Variants in CERS6 observed in about 807,000 individuals in gnomAD.
CERS6 encodes the protein LAG1 homolog, ceramide synthase 6.
In CERS6, 26 loss-of-function variants were observed where a neutral mutation model predicts 56.8. The observed-to-expected ratio is 0.46, with a 90% CI of 0.34 to 0.63. The LOEUF (loss-of-function observed/expected upper bound fraction) is 0.63. CERS6 is among the 30% of genes least tolerant of loss of function. The pLI is 0.01. For synonymous variants in CERS6, 164 were observed against 173.3 expected (o/e 0.95, Z 0.42); for missense variants, 415 against 467.5 (o/e 0.89, Z 1.04).
intron 4 of CERS6, among the ~76,000 whole-genome samples, chr2:168,634,123 A>G (rs193131191): frequency 2.6e-5 from 4 of 152,314 alleles, no homozygotes; most frequent in Admixed American, 2.0e-4. Context: ...GAACAACCTT[A>G]CAGACATGTT....
At chr2:168,549,806 G>A (rs1695533681) in intron 2 of CERS6, among the ~76,000 whole-genome samples, 1 of 152,114 alleles carries the variant, frequency 6.6e-6, no homozygotes. Flanking sequence ...ATTCTTTGTA[G>A]TTCTCCGGTC....
chr2:168,622,662 A>G (rs75145993), intron 3 of CERS6, among the ~76,000 whole-genome samples: 2,629 of 152,288 alleles, frequency 0.017, 101 homozygotes, highest in East Asian at 0.16. Flanking sequence ...CTTACCTCCA[A>G]CCTCAAAGAC....
At chr2:168,646,260 A>G (rs548622285) in intron 4 of CERS6, among the ~76,000 whole-genome samples, 49 of 152,116 alleles carry the variant, frequency 3.2e-4, no homozygotes, top group African/African-American at 1.1e-3. Flanking sequence ...GTATCTCATC[A>G]TGGTTTTTAT....
At chr2:168,688,030 C>T (rs557915829) in intron 4 of CERS6, among the ~76,000 whole-genome samples, 2 of 152,256 alleles carry the variant, frequency 1.3e-5, no homozygotes, top group Non-Finnish European at 2.9e-5. Context: ...ATTTTCCAAC[C>T]TTGATAAACT....
chr2:168,655,554 TC>T (rs1390640459), intron 4 of CERS6, among the ~76,000 whole-genome samples: 1 of 152,234 alleles, frequency 6.6e-6, no homozygotes. Context: ...AAAAAGGTGA[TC>T]CTGCAATTTG....
At chr2:168,515,717 G>T (rs1694873175) in intron 1 of CERS6, among the ~76,000 whole-genome samples, 1 of 152,214 alleles carries the variant, frequency 6.6e-6, no homozygotes, top group Non-Finnish European at 1.5e-5. Context: ...CAGGATCAGT[G>T]GGTTCCAACT....
intron 8 of CERS6, among the ~76,000 whole-genome samples, chr2:168,739,489 A>G (rs1012724941): frequency 1.3e-5 from 2 of 152,196 alleles, no homozygotes; most frequent in Non-Finnish European, 2.9e-5. Flanking sequence ...GTGCAACAAG[A>G]TGATCTCACT....
rs1558991715 is a variant in CERS6 at position 168,545,128 on chromosome 2, C to CGCATGTATTTGTAGAAACACAT, written c.171-2468_171-2467insGCATGTATTTGTAGAAACACAT. On this transcript the variant is annotated intron_variant, in intron 1 of 9. Coordinates refer to ENST00000305747, the MANE Select transcript of CERS6 (RefSeq NM_203463.3). Reference sequence around the variant, plus strand: ...ACATACATGTATTTGTAGAAACACACACATGTATTTGTAGAAACACATACA... The same window carrying CGCATGTATTTGTAGAAACACAT: ...ACATACATGTATTTGTAGAAACACACGCATGTATTTGTAGAAACACATACATGTATTTGTAGAAACACATACA... Among the ~76,000 whole-genome samples, 320 of 151,822 alleles carry CGCATGTATTTGTAGAAACACAT rather than the reference C, an allele frequency of 2.1e-3. 3 individuals are homozygous for CGCATGTATTTGTAGAAACACAT. Among genetic ancestry groups the CGCATGTATTTGTAGAAACACAT allele is most frequent in the Middle Eastern group, 3.4e-3 (1 of 294 alleles).
chr2:168,717,773 T>A, intron 7 of CERS6, 99 bp from the exon 8 acceptor site: 1 of 741,636 alleles, frequency 1.3e-6, no homozygotes, highest in Non-Finnish European at 2.2e-6. Flanking sequence ...ATTTTATGCA[T>A]CTGGTAAGGT....
chr2:168,689,021 T>C (rs1350547724), intron 4 of CERS6, among the ~76,000 whole-genome samples: 2 of 152,198 alleles, frequency 1.3e-5, no homozygotes, highest in Non-Finnish European at 2.9e-5. Flanking sequence ...TGCCTGTCAC[T>C]GCAAGGGATG....
At chr2:168,644,947 G>C (rs7579254) in intron 4 of CERS6, among the ~76,000 whole-genome samples, 40,953 of 149,568 alleles carry the variant, frequency 0.27, 6,289 homozygotes, top group South Asian at 0.44. Context: ...CAAAAATTAG[G>C]CAGGCATGGT....
chr2:168,570,408 CAG>C (rs561753770), intron 3 of CERS6, among the ~76,000 whole-genome samples: 33 of 152,268 alleles, frequency 2.2e-4, no homozygotes, highest in Middle Eastern at 6.8e-3. Flanking sequence ...TGAGAAATGT[CAG>C]AATACACAGT....
intron 1 of CERS6, among the ~76,000 whole-genome samples, chr2:168,526,975 A>C (rs1695082925): frequency 6.6e-6 from 1 of 152,220 alleles, no homozygotes; most frequent in African/African-American, 2.4e-5. Flanking sequence ...CTGGTTATTA[A>C]GCCATTATCT....
intron 3 of CERS6, among the ~76,000 whole-genome samples, chr2:168,600,791 G>T (rs1219107781): frequency 6.6e-6 from 1 of 152,108 alleles, no homozygotes; most frequent in Non-Finnish European, 1.5e-5. Flanking sequence ...GCAATTGCTT[G>T]TACTCATTAA....
At chr2:168,711,731 C>CAAAAAAA (rs35886865) in intron 6 of CERS6, among the ~76,000 whole-genome samples, 1 of 97,876 alleles carries the variant, frequency 1.0e-5, no homozygotes, top group Non-Finnish European at 2.0e-5. Flanking sequence ...GAGACTGTCT[C>CAAAAAAA]AAAAAAAAAA....
intron 4 of CERS6, among the ~76,000 whole-genome samples, chr2:168,634,366 A>G (rs1017175097): frequency 2.6e-5 from 4 of 152,030 alleles, no homozygotes; most frequent in Non-Finnish European, 4.4e-5. Context: ...CCTAGGTTCT[A>G]TTTTTTCTTA....
rs116374398 is a variant in CERS6 at position 168,618,130 on chromosome 2, T to C, written c.408-12855T>C. 9.5e-3 allele frequency among the ~76,000 whole-genome samples: 1,441 copies of C among 152,072 alleles called. 13 individuals carry two copies. Among genetic ancestry groups the C allele is most frequent in the Middle Eastern group, 0.024 (7 of 294 alleles). ...CACATAAACAGAATAAAAACAAAAA[T>C]CACACGATCATCTCAATAGACCAAG... is the stretch of plus-strand genomic sequence containing the variant. On this transcript the variant is annotated intron_variant, in intron 3 of 9. Transcript: ENST00000305747.
chr2:168,569,862 T>G (rs1207650596), intron 3 of CERS6, among the ~76,000 whole-genome samples: 2 of 152,216 alleles, frequency 1.3e-5, no homozygotes, highest in African/African-American at 4.8e-5. Context: ...TTCATAGGGT[T>G]GTTGTGAAGA....
intron 4 of CERS6, among the ~76,000 whole-genome samples, chr2:168,678,597 A>G (rs77894785): frequency 0.029 from 4,363 of 152,256 alleles, 101 homozygotes; most frequent in Non-Finnish European, 0.045. Flanking sequence ...TGTACACAGT[A>G]ATTACACTTT....
Sources: gnomAD v4.1 joint callset for allele counts (sites outside exome capture counted in the v4.1 genomes callset) on GRCh38, gnomAD v4.1.1 for gene constraint, MANE v1.5 for transcripts, NCBI Gene and HGNC (gene_info 2026-07-23, HGNC 2026-07-21) for gene names.